WASF2: variants seen among roughly 807,000 people sequenced by gnomAD.
The protein encoded by WASF2 is actin-binding protein WASF2.
In WASF2, 14 loss-of-function variants were observed where a neutral mutation model predicts 45.0. The ratio of observed to expected loss-of-function variants is 0.31; its 90% CI spans 0.21 to 0.49. WASF2 has a LOEUF of 0.49. Ranked by LOEUF, WASF2 falls within the 20% of genes least tolerant of loss-of-function variation. The pLI is 0.99. For synonymous variants in WASF2, 200 were observed against 236.3 expected (o/e 0.85, Z 1.41); for missense variants, 439 against 636.1 (o/e 0.69, Z 3.33).
intron 2 of WASF2, among the ~76,000 whole-genome samples, chr1:27,423,393 C>T (rs961176912): frequency 2.0e-5 from 3 of 152,098 alleles, no homozygotes; most frequent in Non-Finnish European, 4.4e-5. Flanking sequence ...ACCATGTTGG[C>T]CAGGCTGGTC....
rs527520713 is a variant in WASF2, at chr1:27,461,317, T to C, written c.-44+28669A>G. Among the ~76,000 whole-genome samples the C allele has an allele frequency of 2.0e-5, 3 of 152,010 alleles. No individual in the cohort carries two copies. In the South Asian group the frequency reaches 6.2e-4, roughly 32 times the overall value. On this transcript the variant is annotated intron_variant, in intron 1 of 8. Coordinates refer to ENST00000618852, the MANE Select transcript of WASF2 (RefSeq NM_006990.5). ...TACTTTACACATCTCTCCACACACA[T>C]TCACATACACACACAGAATTAATTA...
intron 1 of WASF2, among the ~76,000 whole-genome samples, chr1:27,454,861 T>C (rs528887991): frequency 7.9e-5 from 12 of 152,334 alleles, no homozygotes; most frequent in Admixed American, 2.6e-4. Flanking sequence ...TTGATCGACA[T>C]TGGGATTTTT....
chr1:27,449,180 G>A (rs551008778), intron 1 of WASF2, among the ~76,000 whole-genome samples: 3 of 152,222 alleles, frequency 2.0e-5, no homozygotes, highest in East Asian at 3.9e-4. Flanking sequence ...ACCATCACAC[G>A]GGATTAAAAT....
At chr1:27,420,669 C>T (rs1297312644) in intron 2 of WASF2, among the ~76,000 whole-genome samples, 1 of 151,894 alleles carries the variant, frequency 6.6e-6, no homozygotes, top group African/African-American at 2.4e-5. Context: ...TTACAGGTGC[C>T]TGCCACAACG....
At chr1:27,418,072 C>T (rs991570810) in intron 4 of WASF2, among the ~76,000 whole-genome samples, 197 bp downstream of exon 4, 4 of 152,176 alleles carry the variant, frequency 2.6e-5, no homozygotes, top group African/African-American at 4.8e-5. Flanking sequence ...CTATGAATTT[C>T]AGAAACCAAA....
At chr1:27,461,847 G>C (rs2017550038) in intron 1 of WASF2, among the ~76,000 whole-genome samples, 1 of 151,974 alleles carries the variant, frequency 6.6e-6, no homozygotes, top group Admixed American at 6.6e-5. Flanking sequence ...ATTTTTGGTA[G>C]AGACAGGGTT....
At position 27,408,039 on chromosome 1, in the gene WASF2, G is replaced by C. The variant is rs2016703429; in HGVS notation, c.*150C>G. On this transcript the variant is annotated 3_prime_UTR_variant, in exon 9 of 9. Coordinates refer to ENST00000618852, the MANE Select transcript of WASF2 (RefSeq NM_006990.5). Reference sequence around the variant, plus strand: ...ACATGTTGACTTGGAGGAAGCACTTGGATATATCTTTGGTTGCTTCAGGGA... The same window carrying C: ...ACATGTTGACTTGGAGGAAGCACTTCGATATATCTTTGGTTGCTTCAGGGA... 2 of 885,818 alleles carry C rather than the reference G, an allele frequency of 2.3e-6. No individual in the cohort carries two copies. Among genetic ancestry groups the C allele is most frequent in the Non-Finnish European group, 3.3e-6 (2 of 597,098 alleles). The allele number at this position is 885,818 out of a possible 1,614,324, so 54.9% of individuals were successfully genotyped here.
In WASF2 at chr1:27,419,038, A is replaced by C. The variant is rs1359599089; in HGVS notation, c.181T>G (p.Phe61Val). 6.2e-7 allele frequency: 1 copy of C among 1,614,150 alleles called. No individual in the cohort carries two copies. Among genetic ancestry groups the C allele is most frequent in the Non-Finnish European group, 8.5e-7 (1 of 1,180,016 alleles). The change falls in exon 3 of 9, where the codon TTT (phenylalanine) becomes GTT (valine). Residue 61 changes from phenylalanine to valine, a missense_variant. By Grantham distance (50) the Phe-to-Val change is conservative. Coordinates refer to ENST00000618852, the MANE Select transcript of WASF2 (RefSeq NM_006990.5). ...GCAAGGGAGCTTACCCGAGAGGCAA[A>C]GGTATTTGCCTGAGTAAAGAGCTCT... ...FGELFTQANT[F>V]ASRVSSLAER...
chr1:27,479,105 T>C (rs2017811324), intron 1 of WASF2, among the ~76,000 whole-genome samples: 1 of 151,672 alleles, frequency 6.6e-6, no homozygotes, highest in African/African-American at 2.4e-5. Flanking sequence ...GTCAACATGG[T>C]GAAACCCCGT....
At chr1:27,415,549 C>G (rs952091154) in intron 5 of WASF2, among the ~76,000 whole-genome samples, 1 of 152,126 alleles carries the variant, frequency 6.6e-6, no homozygotes, top group East Asian at 1.9e-4. Flanking sequence ...TATATCCCCC[C>G]ACCCTAGCCC....
At chr1:27,454,190 T>A (rs1423059049) in intron 1 of WASF2, among the ~76,000 whole-genome samples, 1 of 19,598 alleles carries the variant, frequency 5.1e-5, no homozygotes, top group African/African-American at 1.5e-4. Context: ...TATATATATT[T>A]TTTTTTTTTT....
At chr1:27,449,149 TA>T (rs1274870174) in intron 1 of WASF2, among the ~76,000 whole-genome samples, 1 of 152,180 alleles carries the variant, frequency 6.6e-6, no homozygotes, top group African/African-American at 2.4e-5. Flanking sequence ...TAAATATCCA[TA>T]ACACGTTGTC....
chr1:27,443,599 G>A (rs961813988), intron 1 of WASF2, among the ~76,000 whole-genome samples: 1 of 151,890 alleles, frequency 6.6e-6, no homozygotes, highest in Non-Finnish European at 1.5e-5. Flanking sequence ...GGCAACAAGA[G>A]CAAAACTCCA....
At chr1:27,454,064 C>T in intron 1 of WASF2, among the ~76,000 whole-genome samples, 1 of 148,520 alleles carries the variant, frequency 6.7e-6, no homozygotes, top group East Asian at 2.0e-4. Context: ...TGTTTAGTGT[C>T]ACATTCTAGA....
At chr1:27,480,138 A>AG (rs1197474796) in intron 1 of WASF2, among the ~76,000 whole-genome samples, 2 of 152,204 alleles carry the variant, frequency 1.3e-5, no homozygotes, top group Non-Finnish European at 2.9e-5. Context: ...AATGAAAAGG[A>AG]GTATCAATAG....
chr1:27,482,474 C>T (rs1255817151), intron 1 of WASF2, among the ~76,000 whole-genome samples: 2 of 152,158 alleles, frequency 1.3e-5, no homozygotes, highest in South Asian at 2.1e-4. Context: ...ATAAGCAATG[C>T]TGGTTATCCT....
At chr1:27,456,302 AC>A (rs1371678152) in intron 1 of WASF2, among the ~76,000 whole-genome samples, 1 of 125,570 alleles carries the variant, frequency 8.0e-6, no homozygotes, top group Non-Finnish European at 1.6e-5. Flanking sequence ...ATCCTGGGCT[AC>A]AGAGCGAGAC....
intron 2 of WASF2, among the ~76,000 whole-genome samples, chr1:27,419,945 C>T (rs2016883123): frequency 6.6e-6 from 1 of 152,038 alleles, no homozygotes; most frequent in Non-Finnish European, 1.5e-5. Context: ...CCCTCTGTCA[C>T]CCAGGCTGCA....
chr1:27,437,577 T>C (rs948191829), intron 1 of WASF2, among the ~76,000 whole-genome samples: 4 of 152,230 alleles, frequency 2.6e-5, no homozygotes, highest in Admixed American at 6.5e-5. Flanking sequence ...GGATCTACAA[T>C]GTGGTCACTG....
Sources: allele counts gnomAD v4.1 joint callset (sites outside exome capture counted in the v4.1 genomes callset), GRCh38; gene constraint gnomAD v4.1.1; transcripts MANE v1.5; gene names NCBI Gene and HGNC (gene_info 2026-07-23, HGNC 2026-07-21).